Variants in RSF1 observed in about 807,000 individuals in gnomAD.
RSF1 encodes remodeling and spacing factor 1.
In RSF1, 13 loss-of-function variants were observed where a neutral mutation model predicts 145.2. The ratio of observed to expected loss-of-function variants is 0.09; its 90% CI spans 0.06 to 0.14. The LOEUF (loss-of-function observed/expected upper bound fraction) is 0.14. Ranked by LOEUF, RSF1 falls within the 10% of genes least tolerant of loss-of-function variation. The probability of loss-of-function intolerance (pLI) is 1.00; values close to 1 mark genes in which losing one functional copy is unlikely to be tolerated. For synonymous variants in RSF1, 577 were observed against 592.6 expected (o/e 0.97, Z 0.38); for missense variants, 1,517 against 1,718.2 (o/e 0.88, Z 2.07).
chr11:77,710,380 ATTCC>A (rs1284963933), intron 5 of RSF1, among the ~76,000 whole-genome samples: 2 of 152,114 alleles, frequency 1.3e-5, no homozygotes, highest in Admixed American at 6.5e-5. Flanking sequence ...TCTTGAACTT[ATTCC>A]TTATTTTGTT....
intron 5 of RSF1, among the ~76,000 whole-genome samples, chr11:77,716,501 T>G (rs1960812859): frequency 6.6e-6 from 1 of 152,222 alleles, no homozygotes; most frequent in Non-Finnish European, 1.5e-5. Context: ...GATACTATGC[T>G]AAGTGAAATA....
chr11:77,691,102 T>G, intron 9 of RSF1, 57 bp downstream of exon 9: 1 of 1,494,178 alleles, frequency 6.7e-7, no homozygotes, highest in Non-Finnish European at 9.3e-7. Flanking sequence ...ATCCATACAG[T>G]GAGACAATTC....
At chr11:77,820,834 C>G (rs1439000241), upstream of RSF1, 1 of 1,065,386 alleles carries the variant, frequency 9.4e-7, no homozygotes, top group Non-Finnish European at 1.3e-6. Context: ...CTCTGCGGAT[C>G]CCAGCGTCTC....
At chr11:77,709,509 G>A (rs143102072) in intron 5 of RSF1, among the ~76,000 whole-genome samples, 191 of 152,256 alleles carry the variant, frequency 1.3e-3, no homozygotes, top group African/African-American at 4.4e-3. Flanking sequence ...GTCAACAACT[G>A]AAGTTTTGTT....
At chr11:77,693,689 CT>C in intron 7 of RSF1, 78 bp from the exon 8 acceptor site, 1 of 941,684 alleles carries the variant, frequency 1.1e-6, no homozygotes, top group African/African-American at 1.6e-5. Flanking sequence ...TTCAATATCT[CT>C]GAGTACTATA....
chr11:77,729,081 A>C (rs1423446358), intron 4 of RSF1, among the ~76,000 whole-genome samples: 2 of 152,158 alleles, frequency 1.3e-5, no homozygotes, highest in East Asian at 3.8e-4. Context: ...CTTGGTATAA[A>C]AGCACTCTCT....
chr11:77,764,439 A>G (rs1291047102), intron 2 of RSF1, 159 bp downstream of exon 2: 1 of 568,588 alleles, frequency 1.8e-6, no homozygotes, highest in Non-Finnish European at 3.1e-6. Context: ...AGTAGTAGCA[A>G]AAGAAGAGAA....
At chr11:77,828,800 T>G in the RSF1 span, among the ~76,000 whole-genome samples, 3 of 152,228 alleles carry the variant, frequency 2.0e-5, no homozygotes, top group Admixed American at 6.5e-5. Flanking sequence ...TACCTTTAAG[T>G]TGAAGTACAG....
the RSF1 span, chr11:77,851,084 A>G: frequency 6.6e-6 from 1 of 150,608 alleles, no homozygotes; most frequent in African/African-American, 2.5e-5. Context: ...CCTCCTGAGT[A>G]GCAGGGATTA....
At chr11:77,715,168 A>G (rs1335111968) in intron 5 of RSF1, among the ~76,000 whole-genome samples, 3 of 152,264 alleles carry the variant, frequency 2.0e-5, no homozygotes, top group Admixed American at 1.3e-4. Context: ...AGGAGTTAAA[A>G]AATTATTTAA....
the RSF1 span, among the ~76,000 whole-genome samples, chr11:77,838,320 T>A: frequency 6.6e-6 from 1 of 152,204 alleles, no homozygotes; most frequent in Non-Finnish European, 1.5e-5. Context: ...GTAGATATGG[T>A]TAACATCTAC....
intron 4 of RSF1, among the ~76,000 whole-genome samples, chr11:77,733,464 C>G (rs984629640): frequency 6.6e-6 from 1 of 151,954 alleles, no homozygotes; most frequent in African/African-American, 2.4e-5. Context: ...CCTGAAGAAG[C>G]TTGTGATGGA....
the RSF1 span, among the ~76,000 whole-genome samples, chr11:77,842,850 AACAGTTACC>A: frequency 6.6e-6 from 1 of 152,348 alleles, no homozygotes; most frequent in African/African-American, 2.4e-5. Flanking sequence ...AAACTTGTAC[AACAGTTACC>A]ACTGTTAGTT....
chr11:77,749,311 T>A (rs1336161800), intron 2 of RSF1, among the ~76,000 whole-genome samples: 1 of 152,048 alleles, frequency 6.6e-6, no homozygotes, highest in Admixed American at 6.6e-5. Context: ...TATGTGAATA[T>A]CTCAAATTTA....
intron 12 of RSF1, among the ~76,000 whole-genome samples, chr11:77,677,810 T>C (rs1959748185): frequency 6.6e-6 from 1 of 152,236 alleles, no homozygotes; most frequent in East Asian, 1.9e-4. Flanking sequence ...GTTTTCTATA[T>C]GGAATCAGAA....
Position 77,782,579 on chromosome 11 carries a change from C to T in RSF1, c.188-17890G>A, listed in dbSNP as rs563838692. ...GAACAAGGATTAGCAAACTACTGCC[C>T]ACAAGGGCTGTATGCAGCATATTAC... On this transcript the variant is annotated intron_variant, in intron 1 of 15. Coordinates refer to ENST00000308488, the MANE Select transcript of RSF1 (RefSeq NM_016578.4). Among the ~76,000 whole-genome samples the T allele has an allele frequency of 9.2e-5, 14 of 151,782 alleles. No individual in the cohort carries two copies. In the South Asian group the frequency reaches 2.5e-3, roughly 27 times the overall value.
intron 1 of RSF1, among the ~76,000 whole-genome samples, chr11:77,772,689 C>T (rs186321463): frequency 1.4e-4 from 21 of 152,058 alleles, no homozygotes; most frequent in Admixed American, 1.2e-3. Context: ...TATTCAATGT[C>T]TATGTCTAGG....
chr11:77,731,156 C>T (rs1026536796), intron 4 of RSF1, among the ~76,000 whole-genome samples: 4 of 152,140 alleles, frequency 2.6e-5, no homozygotes, highest in African/African-American at 9.7e-5. Context: ...AAGGCCCAGG[C>T]TGAGGTAGTC....
the RSF1 span, chr11:77,872,048 AC>A: frequency 2.8e-6 from 3 of 1,083,508 alleles, no homozygotes; most frequent in Non-Finnish European, 3.8e-6. Flanking sequence ...GACTGGTGAT[AC>A]ACTGAGTGAT....
Sources: gnomAD v4.1 joint callset for allele counts (sites outside exome capture counted in the v4.1 genomes callset) on GRCh38, gnomAD v4.1.1 for gene constraint, MANE v1.5 for transcripts, NCBI Gene and HGNC (gene_info 2026-07-23, HGNC 2026-07-21) for gene names.